DPP4: variants seen among roughly 807,000 people sequenced by gnomAD.
The protein encoded by DPP4 is dipeptidyl peptidase 4, also known as ADCP-2.
DPP4 carries 93 observed loss-of-function variants against 122.4 expected under a neutral mutation model. The ratio of observed to expected loss-of-function variants is 0.76; its 90% CI spans 0.64 to 0.90. DPP4 has a LOEUF of 0.90. Ranked by LOEUF, DPP4 falls within the 40% of genes least tolerant of loss-of-function variation. The pLI, the probability that DPP4 is intolerant of heterozygous loss-of-function variation, is 0.00. For missense variants in DPP4, 914 were observed against 907.3 expected, an observed-to-expected ratio of 1.01 and a Z score of -0.09; for synonymous variants, 321 against 302.9, an observed-to-expected ratio of 1.06 and a Z score of -0.62.
intron 1 of DPP4, 78 bp downstream of exon 1, chr2:162,073,898 A>G (rs1685214392): frequency 1.2e-5 from 19 of 1,584,518 alleles, no homozygotes; most frequent in Non-Finnish European, 1.6e-5. Context: ...CGGTTTCGCC[A>G]GCTTTTGGGC....
chr2:162,009,932 T>C (rs192806238), intron 20 of DPP4, among the ~76,000 whole-genome samples: 2 of 151,964 alleles, frequency 1.3e-5, no homozygotes, highest in African/African-American at 2.4e-5. Flanking sequence ...AGAAAAATAT[T>C]GTATGCACCT....
At chr2:162,016,935 T>C (rs903913194) in intron 17 of DPP4, 69 bp from the exon 18 acceptor site, 38 of 1,478,090 alleles carry the variant, frequency 2.6e-5, no homozygotes, top group Non-Finnish European at 3.3e-5. Flanking sequence ...AGTGCAATAA[T>C]GAGCAAACAT....
Position 162,014,523 on chromosome 2 carries a change from G to A in DPP4, c.1568-58C>T, listed in dbSNP as rs1682843006. On this transcript the variant is annotated intron_variant, in intron 18 of 25. Transcript: ENST00000360534. ...AGAAAAATTATTAGCACAAGATTTT[G>A]TTCCTCATGTCCGTCAGTAGCAAGT... 4 of 1,300,070 alleles carry A rather than the reference G, an allele frequency of 3.1e-6. No homozygotes were observed. The Middle Eastern group carries it at 7.4e-4, about 240-fold the overall frequency. 80.5% of individuals were successfully genotyped at this position (1,300,070 alleles called of 1,614,324 possible).
chr2:162,054,867 A>G (rs1684512127), intron 2 of DPP4, among the ~76,000 whole-genome samples: 1 of 152,212 alleles, frequency 6.6e-6, no homozygotes, highest in Admixed American at 6.5e-5. Flanking sequence ...CTAATAGCCC[A>G]TGGGGATTTT....
At chr2:162,023,707 T>C (rs1296703849) in intron 11 of DPP4, among the ~76,000 whole-genome samples, 1 of 152,160 alleles carries the variant, frequency 6.6e-6, no homozygotes, top group African/African-American at 2.4e-5. Context: ...GAACCCTTTT[T>C]AGGGTACAAT....
At chr2:162,036,304 T>C (rs1683766972) in intron 8 of DPP4, among the ~76,000 whole-genome samples, 1 of 152,196 alleles carries the variant, frequency 6.6e-6, no homozygotes, top group East Asian at 1.9e-4. Flanking sequence ...CAAATGCTTT[T>C]TTTCAACAAC....
chr2:162,029,859 A>G (rs752539523), intron 10 of DPP4, among the ~76,000 whole-genome samples: 2 of 152,176 alleles, frequency 1.3e-5, no homozygotes, highest in Non-Finnish European at 2.9e-5. Flanking sequence ...ATTTCTATGC[A>G]AGGTCATTTT....
At chr2:162,061,434 T>C (rs1392657341) in intron 2 of DPP4, among the ~76,000 whole-genome samples, 1 of 152,246 alleles carries the variant, frequency 6.6e-6, no homozygotes, top group Non-Finnish European at 1.5e-5. Flanking sequence ...TCTCTCCTCA[T>C]CTTATTAAAA....
At chr2:162,012,027 G>A (rs1559708297) in intron 19 of DPP4, 40 bp from the exon 20 acceptor site, 1 of 1,583,766 alleles carries the variant, frequency 6.3e-7, no homozygotes, top group Non-Finnish European at 8.6e-7. Context: ...ATGGTTTTCT[G>A]GAATCAAATG....
At chr2:162,003,965 A>C (rs559621656) in intron 23 of DPP4, among the ~76,000 whole-genome samples, 8 of 152,312 alleles carry the variant, frequency 5.3e-5, no homozygotes, top group African/African-American at 1.9e-4. Context: ...AGGGGATTCC[A>C]AAGGGGATGC....
chr2:162,042,621 TAAA>T (rs777356455), intron 5 of DPP4, among the ~76,000 whole-genome samples: 2 of 140,066 alleles, frequency 1.4e-5, no homozygotes, highest in African/African-American at 2.6e-5. Context: ...CTCTTGAAAG[TAAA>T]AAAAAAAAAA....
intron 18 of DPP4, among the ~76,000 whole-genome samples, chr2:162,015,120 G>T (rs540125874): frequency 1.3e-5 from 2 of 152,022 alleles, no homozygotes; most frequent in Admixed American, 1.3e-4. Flanking sequence ...AGTTTCCTTC[G>T]TTCCCAAATA....
chr2:162,058,472 A>G (rs762105478), intron 2 of DPP4, among the ~76,000 whole-genome samples: 1 of 152,226 alleles, frequency 6.6e-6, no homozygotes, highest in African/African-American at 2.4e-5. Flanking sequence ...GAAACTTTCA[A>G]TTCCTCACTT....
At chr2:162,065,220 T>A (rs1406709818) in intron 2 of DPP4, among the ~76,000 whole-genome samples, 1 of 152,228 alleles carries the variant, frequency 6.6e-6, no homozygotes, top group African/African-American at 2.4e-5. Flanking sequence ...AGTTTGCATC[T>A]GGTCAGAGGA....
intron 18 of DPP4, among the ~76,000 whole-genome samples, chr2:162,016,499 C>G (rs936282246): frequency 3.3e-5 from 5 of 152,168 alleles, no homozygotes; most frequent in Non-Finnish European, 7.3e-5. Context: ...ATAATAGAGT[C>G]ACTAATGGGA....
intron 2 of DPP4, among the ~76,000 whole-genome samples, chr2:162,068,793 T>C (rs970797118): frequency 6.6e-6 from 1 of 152,158 alleles, no homozygotes; most frequent in Non-Finnish European, 1.5e-5. Flanking sequence ...TATACAGCTT[T>C]ATATAGGAAT....
Position 162,038,395 on chromosome 2 carries a change from C to G in DPP4, c.520G>C (p.Val174Leu), listed in dbSNP as rs1362811112. 2 of 1,607,106 alleles carry G rather than the reference C, an allele frequency of 1.2e-6. No homozygotes were observed. The highest frequency in any genetic ancestry group is 1.7e-6 in the Non-Finnish European group (2 of 1,176,536). The change falls in exon 8 of 26, where the codon GTT (valine) becomes CTT (leucine). Residue 174 changes from valine (V) to leucine (L), a missense_variant. Transcript: ENST00000360534. ...CTTGGTAAATTTGGTTCAATTTTAA[C>G]ATAAATGTCATTGTTCCAAACATAT... ...LAYVWNNDIYVKIEPNLPSYR... is the reference protein window; with the variant it reads ...LAYVWNNDIYLKIEPNLPSYR...
At chr2:162,009,376 G>A (rs1033682629) in intron 20 of DPP4, 81 bp from the exon 21 acceptor site, 13 of 1,279,086 alleles carry the variant, frequency 1.0e-5, no homozygotes, top group African/African-American at 1.5e-5. Context: ...GTGAAACCCT[G>A]CCATTTGTTC....
At chr2:162,062,087 G>A (rs1439910935) in intron 2 of DPP4, among the ~76,000 whole-genome samples, 6 of 151,034 alleles carry the variant, frequency 4.0e-5, no homozygotes, top group Non-Finnish European at 8.8e-5. Flanking sequence ...TGGCCAACAT[G>A]GCAAAACCCT....
Sources: allele counts gnomAD v4.1 joint callset (sites outside exome capture counted in the v4.1 genomes callset), GRCh38; gene constraint gnomAD v4.1.1; transcripts MANE v1.5; gene names NCBI Gene and HGNC (gene_info 2026-07-23, HGNC 2026-07-21).